PARVA: variants seen among roughly 807,000 people sequenced by gnomAD.
PARVA encodes parvin alpha, also known as alpha-parvin.
A neutral mutation model predicts 52.6 loss-of-function variants in PARVA; 25 were observed. That is an observed-to-expected ratio of 0.48 (90% confidence interval 0.35 to 0.66). The LOEUF (loss-of-function observed/expected upper bound fraction) is 0.66. Ranked by LOEUF, PARVA falls within the 30% of genes least tolerant of loss-of-function variation. The pLI is 0.01. For synonymous variants in PARVA, 185 were observed against 179.1 expected (o/e 1.03, Z -0.26); for missense variants, 373 against 450.9 (o/e 0.83, Z 1.56).
At chr11:12,454,246 C>T (rs145488654) in intron 1 of PARVA, among the ~76,000 whole-genome samples, 1 of 152,262 alleles carries the variant, frequency 6.6e-6, no homozygotes, top group Non-Finnish European at 1.5e-5. Flanking sequence ...CACTGTTTCA[C>T]CTACATTTCA....
At chr11:12,515,778 A>G in intron 10 of PARVA, among the ~76,000 whole-genome samples, 1 of 152,104 alleles carries the variant, frequency 6.6e-6, no homozygotes, top group Admixed American at 6.5e-5. Flanking sequence ...ACCTAGGGTG[A>G]GTCATGCTCA....
At chr11:12,410,471 A>T (rs1939978102) in intron 1 of PARVA, among the ~76,000 whole-genome samples, 1 of 152,198 alleles carries the variant, frequency 6.6e-6, no homozygotes, top group South Asian at 2.1e-4. Context: ...CCAGGCATAC[A>T]TTCAGGGGCT....
intron 1 of PARVA, among the ~76,000 whole-genome samples, chr11:12,436,180 T>A: frequency 6.6e-6 from 1 of 152,194 alleles, no homozygotes; most frequent in East Asian, 1.9e-4. Context: ...TTAGGGATAA[T>A]GTGCATATTA....
At chr11:12,406,661 GTTTTTTTTTTTTT>G (rs571973101) in intron 1 of PARVA, among the ~76,000 whole-genome samples, 5 of 77,798 alleles carry the variant, frequency 6.4e-5, no homozygotes, top group Non-Finnish European at 7.6e-5. Context: ...GGTTGTATCT[GTTTTTTTTTTTTT>G]TTTTTTTTTT....
chr11:12,497,386 A>G (rs1267890947), intron 5 of PARVA, among the ~76,000 whole-genome samples: 1 of 152,188 alleles, frequency 6.6e-6, no homozygotes, highest in Non-Finnish European at 1.5e-5. Context: ...GTTAAGTACT[A>G]TGCTTTATTG....
intron 1 of PARVA, among the ~76,000 whole-genome samples, chr11:12,464,441 A>T (rs983290195): frequency 1.3e-5 from 2 of 152,204 alleles, no homozygotes; most frequent in African/African-American, 4.8e-5. Context: ...ATATAGCAGT[A>T]TCAGCACTGT....
In PARVA at chr11:12,382,342, G is replaced by C. The variant is rs7924672; in HGVS notation, c.136+4559G>C. ...GTAAATGAGAAGGCAGACAAGTATTGATGTATATTTTATGCATTTGTGACA... is the reference window on the plus strand; with the variant it reads ...GTAAATGAGAAGGCAGACAAGTATTCATGTATATTTTATGCATTTGTGACA... On this transcript the variant is annotated intron_variant, in intron 1 of 12. Transcript: ENST00000334956. Among the ~76,000 whole-genome samples the C allele has an allele frequency of 5.3e-3, 792 of 148,598 alleles. 7 individuals are homozygous for C. The highest frequency in any genetic ancestry group is 0.04 in the South Asian group (187 of 4,686).
chr11:12,529,958 A>G lies in PARVA; in HGVS notation c.*2033A>G, dbSNP rs1252333279. On this transcript the variant is annotated 3_prime_UTR_variant, in exon 13 of 13. Transcript: ENST00000334956. ...TTCCTGGTAGCAAATCAAGATAAAT[A>G]ATTGCTTCATTTTCTTGAGCAATAC... The G allele has an allele frequency of 6.6e-6, 1 of 152,240 alleles. No individual in the cohort carries two copies. The highest frequency in any genetic ancestry group is 1.5e-5 in the Non-Finnish European group (1 of 68,048). The allele number at this position is 152,240 out of a possible 1,614,324, so 9.4% of individuals were successfully genotyped here. A position where few individuals can be genotyped will look rare whatever the true frequency, so the allele number is the denominator to read the frequency against.
rs1040865365 is a variant in PARVA, at chr11:12,528,085, AATC to A, written c.*165_*167del. On this transcript the variant is annotated 3_prime_UTR_variant, in exon 13 of 13. Transcript: ENST00000334956. ...TAGTGGAAACTGAAATTAGGAAGGA[AATC>A]ATCAATAACTCAGTGGGCTGACCCA... The A allele has an allele frequency of 6.1e-6, 4 of 657,260 alleles. No individual in the cohort carries two copies. The African/African-American group carries it at 7.1e-5, about 12-fold the overall frequency. 40.7% of individuals were successfully genotyped at this position (657,260 alleles called of 1,614,324 possible). A position where few individuals can be genotyped will look rare whatever the true frequency, so the allele number is the denominator to read the frequency against.
intron 4 of PARVA, chr11:12,478,284 C>T (rs537721528): frequency 3.6e-5 from 14 of 385,988 alleles, no homozygotes; most frequent in East Asian, 6.3e-5. Context: ...TGGCCTCTGT[C>T]GGTATATTTA....
intron 12 of PARVA, among the ~76,000 whole-genome samples, chr11:12,523,284 C>T (rs1334525305): frequency 2.6e-5 from 4 of 152,084 alleles, no homozygotes; most frequent in African/African-American, 7.2e-5. Context: ...GCAGGGAGGT[C>T]GGCTGGGGGC....
chr11:12,432,639 A>T (rs1413816988), intron 1 of PARVA, among the ~76,000 whole-genome samples: 1 of 152,246 alleles, frequency 6.6e-6, no homozygotes, highest in African/African-American at 2.4e-5. Flanking sequence ...ATAACTGCTT[A>T]TCTGGGCCTG....
intron 6 of PARVA, 68 bp downstream of exon 6, chr11:12,504,497 G>A (rs997529157): frequency 3.0e-5 from 27 of 892,392 alleles, no homozygotes; most frequent in East Asian, 1.5e-4. Flanking sequence ...CCTATGGTGC[G>A]TCGAGTAGGT....
At chr11:12,468,341 A>T (rs1429349015) in intron 1 of PARVA, among the ~76,000 whole-genome samples, 1 of 152,128 alleles carries the variant, frequency 6.6e-6, no homozygotes, top group Non-Finnish European at 1.5e-5. Context: ...GAATGAATGA[A>T]ATTACTGGCC....
At chr11:12,396,182 A>G (rs752671295) in intron 1 of PARVA, among the ~76,000 whole-genome samples, 3 of 152,230 alleles carry the variant, frequency 2.0e-5, no homozygotes, top group Non-Finnish European at 2.9e-5. Flanking sequence ...TAATTGGTAG[A>G]ACAGGGATTT....
At chr11:12,518,065 G>A (rs536003443) in intron 11 of PARVA, among the ~76,000 whole-genome samples, 8 of 152,266 alleles carry the variant, frequency 5.3e-5, no homozygotes, top group South Asian at 2.1e-4. Flanking sequence ...ATGGCCTCTC[G>A]TAGGCTGCCA....
rs187319062 is a variant in PARVA at position 12,481,124 on chromosome 11, G to A, written c.400+3175G>A. On this transcript the variant is annotated intron_variant, in intron 4 of 12. Coordinates refer to ENST00000334956, the MANE Select transcript of PARVA (RefSeq NM_018222.5). Reference sequence around the variant, plus strand: ...TACTTTGAGACCACGTAAATATCCTGTTTCTCCTTAAACTTCTCCCTCTAG... The same window carrying A: ...TACTTTGAGACCACGTAAATATCCTATTTCTCCTTAAACTTCTCCCTCTAG... 6.6e-5 allele frequency among the ~76,000 whole-genome samples: 10 copies of A among 152,122 alleles called. No homozygotes were observed. The East Asian group carries it at 1.7e-3, about 27-fold the overall frequency.
intron 1 of PARVA, among the ~76,000 whole-genome samples, chr11:12,468,954 C>T (rs1194089919): frequency 2.6e-5 from 4 of 152,174 alleles, no homozygotes; most frequent in African/African-American, 4.8e-5. Context: ...GAGCCAACCA[C>T]TGCTACAGGG....
Position 12,416,438 on chromosome 11 carries a change from T to C in PARVA, c.136+38655T>C, listed in dbSNP as rs1940068605. On this transcript the variant is annotated intron_variant, in intron 1 of 12. Coordinates refer to ENST00000334956, the MANE Select transcript of PARVA (RefSeq NM_018222.5). Reference sequence around the variant, plus strand: ...GGATCATTTACAGGAAATAAGAAGTTGAAGAGAAGGATGAGTTAGTAGACT... The same window carrying C: ...GGATCATTTACAGGAAATAAGAAGTCGAAGAGAAGGATGAGTTAGTAGACT... 3.3e-5 allele frequency among the ~76,000 whole-genome samples: 5 copies of C among 152,248 alleles called. No individual in the cohort carries two copies. In the South Asian group the frequency reaches 1.0e-3, roughly 32 times the overall value.
Sources: gnomAD v4.1 joint callset for allele counts (sites outside exome capture counted in the v4.1 genomes callset) on GRCh38, gnomAD v4.1.1 for gene constraint, MANE v1.5 for transcripts, NCBI Gene and HGNC (gene_info 2026-07-23, HGNC 2026-07-21) for gene names.